The following MROH1 variants were observed in gnomAD, a reference collection of about 807,000 sequenced individuals.
The protein encoded by MROH1 is maestro heat-like repeat-containing protein family member 1.
In MROH1, 117 loss-of-function variants were observed where a neutral mutation model predicts 116.5. That is an observed-to-expected ratio of 1.00 (90% CI 0.86 to 1.17). MROH1 has a LOEUF of 1.17. MROH1 is among the 50% of genes most tolerant of loss of function. MROH1 has a pLI of 0.00. For synonymous variants in MROH1, 921 were observed against 583.9 expected, an observed-to-expected ratio of 1.58 and a Z score of -8.32; for missense variants, 1,873 against 1,338.5, an observed-to-expected ratio of 1.40 and a Z score of -6.23.
At chr8:144,201,783 C>T (rs1018652684) in intron 12 of MROH1, among the ~76,000 whole-genome samples, 1 of 151,902 alleles carries the variant, frequency 6.6e-6, no homozygotes, top group African/African-American at 2.4e-5. Context: ...GAGGCCATGG[C>T]GGGCAGATCA....
At chr8:144,191,133 G>A (rs1005437451) in intron 8 of MROH1, among the ~76,000 whole-genome samples, 198 bp downstream of exon 8, 1 of 152,164 alleles carries the variant, frequency 6.6e-6, no homozygotes, top group African/African-American at 2.4e-5. Flanking sequence ...GCAGTGGCAT[G>A]ACCTTGGCTC....
Position 144,242,435 on chromosome 8 carries a change from G to C in MROH1, c.2245G>C (p.Ala749Pro). ...ALILCYGHVA[A>P]RAPRELVLAK... ...GATCCTGTGCTATGGGCACGTGGCG[G>C]CCCGGGCCCCCCGGGAGCTGGTGCT... is the stretch of plus-strand genomic sequence containing the variant. The change falls in exon 23 of 44, where the codon GCC becomes CCC. Residue 749 changes from alanine (A) to proline (P), a missense_variant. By Grantham distance (27) the Ala-to-Pro change is conservative. Coordinates refer to ENST00000326134, the MANE Select transcript of MROH1 (RefSeq NM_032450.3). The C allele has an allele frequency of 1.3e-6, 1 of 780,696 alleles. No homozygotes were observed. The highest frequency in any genetic ancestry group is 2.4e-5 in the East Asian group (1 of 41,248). The allele number at this position is 780,696 out of a possible 1,614,324, so 48.4% of individuals were successfully genotyped here.
intron 32 of MROH1, among the ~76,000 whole-genome samples, chr8:144,249,996 T>C (rs964134082): frequency 6.6e-6 from 1 of 152,194 alleles, no homozygotes; most frequent in Non-Finnish European, 1.5e-5. Context: ...CACTGGCCAC[T>C]TTGCACGCAG....
intron 7 of MROH1, among the ~76,000 whole-genome samples, chr8:144,190,362 T>C (rs1277552054): frequency 6.6e-6 from 1 of 152,174 alleles, no homozygotes; most frequent in East Asian, 1.9e-4. Context: ...ACCCTGTCTC[T>C]TCTAAAAATT....
rs567950956 is a variant in MROH1, at chr8:144,165,521, C to T, written c.22+1673C>T. Among the ~76,000 whole-genome samples the T allele has an allele frequency of 5.3e-5, 8 of 152,146 alleles. No individual in the cohort carries two copies. In the South Asian group the frequency reaches 6.2e-4, roughly 12 times the overall value. ...TTGCCTTCAAATGATCCTCCTACCT[C>T]GGCTTCACAAAGCACTGGGACTATA... On this transcript the variant is annotated intron_variant, in intron 3 of 43. Coordinates refer to ENST00000326134, the MANE Select transcript of MROH1 (RefSeq NM_032450.3).
chr8:144,244,863 C>T (rs1841626919), intron 28 of MROH1, among the ~76,000 whole-genome samples: 1 of 152,196 alleles, frequency 6.6e-6, no homozygotes, highest in African/African-American at 2.4e-5. Flanking sequence ...CCCCCATGCT[C>T]GGAGTGTGTT....
intron 4 of MROH1, among the ~76,000 whole-genome samples, chr8:144,178,902 C>G (rs1824804260): frequency 6.6e-6 from 1 of 152,100 alleles, no homozygotes. Context: ...GACAGGAGAG[C>G]TGCTTAGGGG....
intron 7 of MROH1, among the ~76,000 whole-genome samples, chr8:144,186,067 A>C (rs887852340): frequency 8.6e-5 from 13 of 151,524 alleles, no homozygotes; most frequent in Non-Finnish European, 1.9e-4. Flanking sequence ...GCTCTCTCCC[A>C]GTCCTCAGGG....
Position 144,168,354 on chromosome 8 carries a change from G to A in MROH1, c.82G>A (p.Val28Ile), listed in dbSNP as rs1374472505. Residue 28 changes from valine to isoleucine, a missense_variant, in exon 4 of 44, where the codon GTC (valine) becomes ATC (isoleucine). Physicochemically the swap from Val to Ile is conservative, Grantham distance 29 (BLOSUM62 3). Transcript: ENST00000326134. ...TAAGGACCCCCTGGTGCAGGAGCAG[G>A]TCTGCAGTGCCCTGTGCTCCCTCGG... ...TDKDPLVQEQ[V>I]CSALCSLGEA... 1.7e-5 allele frequency: 28 copies of A among 1,610,966 alleles called. No individual in the cohort carries two copies. The highest frequency in any genetic ancestry group is 2.2e-5 in the Non-Finnish European group (26 of 1,179,726).
chr8:144,173,437 T>A (rs1377252816), intron 4 of MROH1, among the ~76,000 whole-genome samples: 2 of 151,580 alleles, frequency 1.3e-5, no homozygotes, highest in East Asian at 3.9e-4. Flanking sequence ...TATTTTTTTT[T>A]TTTTGAGACA....
intron 10 of MROH1, among the ~76,000 whole-genome samples, chr8:144,194,203 C>T (rs561591441): frequency 6.6e-6 from 1 of 151,976 alleles, no homozygotes; most frequent in East Asian, 2.0e-4. Context: ...GCTGTGGTTA[C>T]AGGCACGCAC....
Position 144,260,045 on chromosome 8 carries a change from C to G in MROH1, c.4179C>G (p.Gly1393=), listed in dbSNP as rs1554834908. ...VLRGLANLAS[G]CPDKVRTHGP... ...GCGGCCTGGCCAACCTGGCCTCCGG[C>G]TGCCCTGACAAGGTGGGGTGGCCAC... The change falls in exon 38 of 44, where the codon GGC becomes GGG. Residue 1393 remains glycine, a synonymous_variant. Coordinates refer to ENST00000326134, the MANE Select transcript of MROH1 (RefSeq NM_032450.3). 5 of 725,438 alleles carry G rather than the reference C, an allele frequency of 6.9e-6. No individual in the cohort carries two copies. Among genetic ancestry groups the G allele is most frequent in the Non-Finnish European group, 1.3e-5 (5 of 398,246 alleles). The allele number at this position is 725,438 out of a possible 1,614,324, so 44.9% of individuals were successfully genotyped here.
chr8:144,155,108 G>T (rs919293755), intron 1 of MROH1, among the ~76,000 whole-genome samples: 5 of 151,940 alleles, frequency 3.3e-5, no homozygotes, highest in Non-Finnish European at 7.4e-5. Flanking sequence ...GAGCCACCAC[G>T]CCCGGCCTAA....
Position 144,239,717 on chromosome 8 carries a change from G to A in MROH1, c.1736G>A (p.Trp579Ter), listed in dbSNP as rs1840644893. The change falls in exon 18 of 44, where the codon TGG becomes TAG. Residue 579 changes from tryptophan (W) to a stop codon, truncating the protein, a stop_gained. Coordinates refer to ENST00000326134, the MANE Select transcript of MROH1 (RefSeq NM_032450.3). LOFTEE classifies it high-confidence loss of function. Reference sequence around the variant, plus strand: ...ATTCACCCTTTGCTGGGTCAGCATTGGGAAACGACTGTCCCGCTGCTGCTG... The same window carrying A: ...ATTCACCCTTTGCTGGGTCAGCATTAGGAAACGACTGTCCCGCTGCTGCTG... ...PNIHPLLGQH[W>*]ETTVPLLLGY... is the part of the protein sequence containing the mutation. 1 of 723,768 alleles carries A rather than the reference G, an allele frequency of 1.4e-6. No homozygotes were observed. The highest frequency in any genetic ancestry group is 2.6e-5 in the East Asian group (1 of 37,754). The allele number at this position is 723,768 out of a possible 1,614,324, so 44.8% of individuals were successfully genotyped here. A position where few individuals can be genotyped will look rare whatever the true frequency, so the allele number is the denominator to read the frequency against.
At chr8:144,256,933 G>A (rs1010680753) in intron 35 of MROH1, among the ~76,000 whole-genome samples, 1 of 152,240 alleles carries the variant, frequency 6.6e-6, no homozygotes, top group Admixed American at 6.5e-5. Context: ...CTGGAGCAGG[G>A]TGTGGAGCTG....
chr8:144,248,014 G>A (rs1320943597), intron 31 of MROH1, among the ~76,000 whole-genome samples: 1 of 152,254 alleles, frequency 6.6e-6, no homozygotes, highest in Non-Finnish European at 1.5e-5. Flanking sequence ...GAAGATGCAG[G>A]TTTCTGGAAC....
In MROH1 at chr8:144,239,648, G is replaced by A. The variant is rs940993717; in HGVS notation, c.1667G>A (p.Arg556His). The A allele has an allele frequency of 3.8e-5, 29 of 768,630 alleles. No individual in the cohort carries two copies. Among genetic ancestry groups the A allele is most frequent in the Admixed American group, 2.4e-4 (14 of 57,196 alleles). The allele number at this position is 768,630 out of a possible 1,614,324, so 47.6% of individuals were successfully genotyped here. A position where few individuals can be genotyped will look rare whatever the true frequency, so the allele number is the denominator to read the frequency against. ...TCCAGCCCCTACCTAGGGGACGGAC[G>A]TGGGGCAGCGGCGCTGCGCCTCCTC... The part of the protein sequence containing the change: ...VSSSPYLGDG[R>H]GAAALRLLSV... Residue 556 changes from arginine (R) to histidine (H), a missense_variant, in exon 18 of 44, where the codon CGT (arginine) becomes CAT (histidine). Arg to His is a conservative substitution (Grantham distance 29). Transcript: ENST00000326134.
chr8:144,219,908 T>G lies in MROH1; in HGVS notation c.1142-692T>G, dbSNP rs1836334022. Among the ~76,000 whole-genome samples the G allele has an allele frequency of 2.0e-5, 3 of 152,354 alleles. No homozygotes were observed. The East Asian group carries it at 5.8e-4, about 29-fold the overall frequency. ...GGCTGTGTCTAGCTCTGCCATTTGC[T>G]GCTCCGCAGTCCCTGGGGCCTCCAG... is the stretch of plus-strand genomic sequence containing the variant. On this transcript the variant is annotated intron_variant, in intron 12 of 43. Coordinates refer to ENST00000326134, the MANE Select transcript of MROH1 (RefSeq NM_032450.3).
At chr8:144,233,490 C>T (rs1199566205) in intron 14 of MROH1, among the ~76,000 whole-genome samples, 8 of 149,754 alleles carry the variant, frequency 5.3e-5, no homozygotes, top group Non-Finnish European at 1.0e-4. Flanking sequence ...GCAGCTCCTG[C>T]ACCCCACCAT....
Sources: allele counts gnomAD v4.1 joint callset (sites outside exome capture counted in the v4.1 genomes callset), GRCh38; gene constraint gnomAD v4.1.1; transcripts MANE v1.5; gene names NCBI Gene and HGNC (gene_info 2026-07-23, HGNC 2026-07-21).